The following MAPKAP1 variants were observed in gnomAD, a reference collection of about 807,000 sequenced individuals.
MAPKAP1 encodes the protein MAPK associated protein 1.
Under a neutral mutation model 65.7 loss-of-function variants are expected in MAPKAP1, and 20 were observed. The observed-to-expected ratio is 0.30, with a 90% CI of 0.21 to 0.44. MAPKAP1 has a LOEUF of 0.44. Ranked by LOEUF, MAPKAP1 falls within the 20% of genes least tolerant of loss-of-function variation. The pLI is 1.00. For synonymous variants in MAPKAP1, 222 were observed against 244.3 expected (o/e 0.91, Z 0.85); for missense variants, 423 against 648.0 (o/e 0.65, Z 3.77).
At chr9:125,703,856 C>A (rs891487988) in intron 1 of MAPKAP1, among the ~76,000 whole-genome samples, 1 of 152,004 alleles carries the variant, frequency 6.6e-6, no homozygotes, top group African/African-American at 2.4e-5. Context: ...AACAGTAAGG[C>A]CTATACATCA....
chr9:125,546,963 G>A (rs1370105463), intron 6 of MAPKAP1, among the ~76,000 whole-genome samples: 3 of 152,090 alleles, frequency 2.0e-5, no homozygotes, highest in Admixed American at 1.3e-4. Context: ...CCCTTCCCAC[G>A]GCTCCTTGGG....
intron 5 of MAPKAP1, among the ~76,000 whole-genome samples, chr9:125,562,015 T>C (rs1269397211): frequency 6.6e-6 from 1 of 152,194 alleles, no homozygotes; most frequent in Non-Finnish European, 1.5e-5. Context: ...CAGGGTTTTA[T>C]GAACAGGGCA....
intron 4 of MAPKAP1, among the ~76,000 whole-genome samples, chr9:125,601,067 T>C (rs926963245): frequency 7.2e-5 from 11 of 152,186 alleles, no homozygotes; most frequent in Admixed American, 7.2e-4. Context: ...TCAATTATCA[T>C]AATATAATGA....
At chr9:125,657,602 C>A in intron 4 of MAPKAP1, 49 bp downstream of exon 4, 1 of 1,482,870 alleles carries the variant, frequency 6.7e-7, no homozygotes, top group South Asian at 1.3e-5. Context: ...ACAACAACTC[C>A]ACTCAATTAC....
At chr9:125,517,091 G>A (rs1442143208) in intron 7 of MAPKAP1, among the ~76,000 whole-genome samples, 24 of 152,118 alleles carry the variant, frequency 1.6e-4, no homozygotes. Flanking sequence ...ATGTACCCAC[G>A]GTGAGGCCAG....
At chr9:125,704,357 C>T (rs1033970364) in intron 1 of MAPKAP1, among the ~76,000 whole-genome samples, 4 of 152,168 alleles carry the variant, frequency 2.6e-5, no homozygotes, top group African/African-American at 9.7e-5. Flanking sequence ...TAACATCACA[C>T]CAGCAGAGTA....
rs532360817 is a variant in MAPKAP1, at chr9:125,565,500, A to C, written c.672-5691T>G. 2.2e-5 allele frequency: 4 copies of C among 180,182 alleles called. No homozygotes were observed. The East Asian group carries it at 7.3e-4, about 33-fold the overall frequency. The allele number at this position is 180,182 out of a possible 1,614,324, so 11.2% of individuals were successfully genotyped here. A position where few individuals can be genotyped will look rare whatever the true frequency, so the allele number is the denominator to read the frequency against. ...AGCACATGATTTTTAAATGTCCAGA[A>C]CTCTCATTACTTGGGCTTTGGTGTT... is the stretch of plus-strand genomic sequence containing the variant. On this transcript the variant is annotated intron_variant, in intron 5 of 11. Coordinates refer to ENST00000265960, the MANE Select transcript of MAPKAP1 (RefSeq NM_001006617.3).
chr9:125,704,444 C>T (rs895616895), intron 1 of MAPKAP1, among the ~76,000 whole-genome samples: 2 of 152,128 alleles, frequency 1.3e-5, no homozygotes, highest in Non-Finnish European at 2.9e-5. Context: ...TACCTTAGAA[C>T]CCACAGTACT....
At chr9:125,455,089 T>G (rs1853116218) in intron 10 of MAPKAP1, among the ~76,000 whole-genome samples, 2 of 152,162 alleles carry the variant, frequency 1.3e-5, no homozygotes, top group African/African-American at 2.4e-5. Flanking sequence ...CATAGACATT[T>G]AAGTGCCTTG....
intron 7 of MAPKAP1, among the ~76,000 whole-genome samples, chr9:125,510,474 C>T (rs991900537): frequency 3.3e-5 from 5 of 152,208 alleles, no homozygotes; most frequent in Admixed American, 6.5e-5. Context: ...TTCCCTCTTA[C>T]GAAGACATGA....
chr9:125,524,918 G>C (rs143163044), intron 7 of MAPKAP1, among the ~76,000 whole-genome samples: 205 of 152,310 alleles, frequency 1.3e-3, no homozygotes, highest in African/African-American at 4.8e-3. Flanking sequence ...AGGAAGGCTA[G>C]GTCATTCCTA....
At chr9:125,581,034 A>C (rs1245828611) in intron 5 of MAPKAP1, among the ~76,000 whole-genome samples, 2 of 152,186 alleles carry the variant, frequency 1.3e-5, no homozygotes, top group Admixed American at 6.5e-5. Flanking sequence ...ATGTATGAAA[A>C]CGGTTTGTTC....
At chr9:125,577,203 C>T (rs1831439375) in intron 5 of MAPKAP1, among the ~76,000 whole-genome samples, 2 of 151,408 alleles carry the variant, frequency 1.3e-5, no homozygotes, top group African/African-American at 2.4e-5. Flanking sequence ...CGTCTCTGCC[C>T]GGCTGCCCCG....
intron 9 of MAPKAP1, chr9:125,471,772 C>T (rs1161681205): frequency 6.6e-6 from 1 of 152,342 alleles, no homozygotes; most frequent in Non-Finnish European, 1.5e-5. Flanking sequence ...AAAGGTGCAA[C>T]CCTGGTAGGC....
intron 10 of MAPKAP1, among the ~76,000 whole-genome samples, chr9:125,458,819 G>C (rs549566391): frequency 6.3e-4 from 81 of 127,650 alleles, no homozygotes; most frequent in African/African-American, 2.3e-3. Flanking sequence ...CTCACCTCCC[G>C]GACGGGGCGG....
At chr9:125,524,897 G>C (rs1467409321) in intron 7 of MAPKAP1, among the ~76,000 whole-genome samples, 1 of 152,220 alleles carries the variant, frequency 6.6e-6, no homozygotes, top group Non-Finnish European at 1.5e-5. Context: ...TCCAGATGCA[G>C]GGTGCTCCAG....
intron 4 of MAPKAP1, among the ~76,000 whole-genome samples, chr9:125,602,665 C>T (rs1164659260): frequency 6.6e-6 from 1 of 152,230 alleles, no homozygotes; most frequent in African/African-American, 2.4e-5. Flanking sequence ...GCTCTCTCTG[C>T]AACTGGCAGG....
rs139643101 is a variant in MAPKAP1 at position 125,484,456 on chromosome 9, G to A, written c.1194C>T (p.Thr398=). ...VSMIHRLRFT[T]DVQLGISGDK... ...TCACACACTTACCTAGCTGTACGTC[G>A]GTTGTGAATCGCAGTCTGTGGATCA... Residue 398 remains threonine, a synonymous_variant, in exon 9 of 12, where the codon ACC becomes ACT. Transcript: ENST00000265960. 291 of 1,610,682 alleles carry A rather than the reference G, an allele frequency of 1.8e-4. No individual in the cohort carries two copies. The highest frequency in any genetic ancestry group is 2.4e-4 in the Non-Finnish European group (282 of 1,178,434).
At chr9:125,519,407 G>A (rs1453822345) in intron 7 of MAPKAP1, among the ~76,000 whole-genome samples, 2 of 152,026 alleles carry the variant, frequency 1.3e-5, no homozygotes, top group Non-Finnish European at 2.9e-5. Flanking sequence ...AGGTCAAGGT[G>A]GGGAGGATCG....
Sources: allele counts gnomAD v4.1 joint callset (sites outside exome capture counted in the v4.1 genomes callset), GRCh38; gene constraint gnomAD v4.1.1; transcripts MANE v1.5; gene names NCBI Gene and HGNC (gene_info 2026-07-23, HGNC 2026-07-21).